The following SAMMSON variants were observed in gnomAD, a reference collection of about 807,000 sequenced individuals.
SAMMSON encodes survival associated mitochondrial melanoma specific oncogenic non-coding RNA, also known as long intergenic non-protein coding RNA 1212.
intron 4 of SAMMSON, among the ~76,000 whole-genome samples, chr3:70,242,511 C>T (rs1701673906): frequency 6.6e-6 from 1 of 152,140 alleles, no homozygotes; most frequent in African/African-American, 2.4e-5. Context: ...AAGTTGTTTC[C>T]TGTTGTTCTT....
At chr3:70,218,568 C>T (rs1243339459) in intron 4 of SAMMSON, among the ~76,000 whole-genome samples, 1 of 152,006 alleles carries the variant, frequency 6.6e-6, no homozygotes, top group African/African-American at 2.4e-5. Flanking sequence ...GCAGTAGTGG[C>T]CTGAGTAGAC....
intron 1 of SAMMSON, among the ~76,000 whole-genome samples, chr3:70,006,450 AG>A: frequency 6.6e-6 from 1 of 152,298 alleles, no homozygotes; most frequent in Non-Finnish European, 1.5e-5. Context: ...CTGGATACAA[AG>A]ACTCAGAGAT....
At chr3:70,426,531 G>A (rs1701370680) in intron 2 of SAMMSON, among the ~76,000 whole-genome samples, 1 of 152,140 alleles carries the variant, frequency 6.6e-6, no homozygotes, top group Admixed American at 6.6e-5. Flanking sequence ...AAAAGTAGGG[G>A]ATTTGGTTCT....
At chr3:70,275,995 C>T (rs760305912) in intron 6 of SAMMSON, among the ~76,000 whole-genome samples, 14 of 151,874 alleles carry the variant, frequency 9.2e-5, no homozygotes, top group Non-Finnish European at 2.1e-4. Context: ...TTTATTCCCC[C>T]ACAATAAACT....
intron 3 of SAMMSON, among the ~76,000 whole-genome samples, chr3:70,065,874 G>T (rs2067207646): frequency 6.6e-6 from 1 of 152,072 alleles, no homozygotes; most frequent in Non-Finnish European, 1.5e-5. Context: ...GTTGCCAACA[G>T]GTGTCACCGC....
At chr3:70,254,526 G>A (rs1223378002) in intron 6 of SAMMSON, among the ~76,000 whole-genome samples, 1 of 152,136 alleles carries the variant, frequency 6.6e-6, no homozygotes, top group Non-Finnish European at 1.5e-5. Flanking sequence ...TTTTCACTTA[G>A]AGAGCTTTTG....
chr3:70,179,492 C>A (rs1016676063), intron 4 of SAMMSON, among the ~76,000 whole-genome samples: 15 of 152,210 alleles, frequency 9.9e-5, no homozygotes, highest in African/African-American at 3.6e-4. Context: ...TTGGCTCCCA[C>A]CTTGTCCTGT....
intron 7 of SAMMSON, among the ~76,000 whole-genome samples, chr3:70,302,950 A>G (rs1214009114): frequency 6.6e-6 from 1 of 152,184 alleles, no homozygotes; most frequent in Non-Finnish European, 1.5e-5. Flanking sequence ...CTGGAATTTA[A>G]TTTGTTGGCC....
chr3:70,135,489 G>C (rs1266178328), intron 4 of SAMMSON, among the ~76,000 whole-genome samples: 1 of 152,130 alleles, frequency 6.6e-6, no homozygotes, highest in African/African-American at 2.4e-5. Context: ...GCAACTTAGA[G>C]AGCAGAAATA....
chr3:70,399,994 G>C (rs9990261), intron 2 of SAMMSON, among the ~76,000 whole-genome samples: 1 of 150,148 alleles, frequency 6.7e-6, no homozygotes, highest in African/African-American at 2.5e-5. Context: ...TTTTAAGTAA[G>C]GTAAGAAGGG....
intron 3 of SAMMSON, among the ~76,000 whole-genome samples, chr3:70,027,535 A>G (rs1559776042): frequency 6.6e-6 from 1 of 152,230 alleles, no homozygotes; most frequent in Non-Finnish European, 1.5e-5. Context: ...TCAAAAATCA[A>G]TTTAATGTCA....
chr3:70,212,053 C>G (rs1701356992), intron 4 of SAMMSON, among the ~76,000 whole-genome samples: 1 of 152,016 alleles, frequency 6.6e-6, no homozygotes, highest in African/African-American at 2.4e-5. Context: ...CTACCCTGCC[C>G]TTGAAGGCCG....
At chr3:70,003,360 G>T (rs1317387013) in intron 1 of SAMMSON, among the ~76,000 whole-genome samples, 1 of 151,836 alleles carries the variant, frequency 6.6e-6, no homozygotes, top group East Asian at 1.9e-4. Flanking sequence ...ATTACAGAGT[G>T]TCTCCTATCT....
chr3:70,327,090 T>A (rs1478547531), intron 7 of SAMMSON, among the ~76,000 whole-genome samples: 1 of 152,170 alleles, frequency 6.6e-6, no homozygotes, highest in Non-Finnish European at 1.5e-5. Flanking sequence ...ACTCTTCACC[T>A]CAAGTGATCC....
chr3:70,041,543 A>T (rs2067106304), intron 3 of SAMMSON, among the ~76,000 whole-genome samples: 1 of 152,086 alleles, frequency 6.6e-6, no homozygotes, highest in South Asian at 2.1e-4. Context: ...GCCCTTAGTG[A>T]CATTGGTGAC....
intron 3 of SAMMSON, among the ~76,000 whole-genome samples, chr3:70,046,733 A>G (rs1013215666): frequency 2.0e-5 from 3 of 152,092 alleles, no homozygotes; most frequent in Non-Finnish European, 4.4e-5. Context: ...GAGCAAAATC[A>G]TGGTGTTGGC....
intron 7 of SAMMSON, among the ~76,000 whole-genome samples, chr3:70,292,904 A>G (rs1311309800): frequency 4.6e-5 from 7 of 152,096 alleles, no homozygotes. Context: ...TAGCTTTAGA[A>G]TATTTATGAT....
At chr3:70,208,028 T>C (rs1199148652) in intron 4 of SAMMSON, among the ~76,000 whole-genome samples, 1 of 152,006 alleles carries the variant, frequency 6.6e-6, no homozygotes, top group Non-Finnish European at 1.5e-5. Flanking sequence ...TAACTGAAAG[T>C]TACAGGATTG....
intron 4 of SAMMSON, among the ~76,000 whole-genome samples, chr3:70,105,499 C>T (rs1346921729): frequency 6.6e-6 from 1 of 152,170 alleles, no homozygotes; most frequent in Admixed American, 6.5e-5. Flanking sequence ...ACTGCTCCCT[C>T]CGTTTCAGTA....
Sources: gnomAD v4.1 joint callset for allele counts (sites outside exome capture counted in the v4.1 genomes callset) on GRCh38, gnomAD v4.1.1 for gene constraint, MANE v1.5 for transcripts, NCBI Gene and HGNC (gene_info 2026-07-23, HGNC 2026-07-21) for gene names.